ORC2: variants seen among roughly 807,000 people sequenced by gnomAD.
ORC2 encodes the protein origin recognition complex protein 2 homolog.
In ORC2, 37 loss-of-function variants were observed where a neutral mutation model predicts 77.7. The ratio of observed to expected loss-of-function variants is 0.48; its 90% CI spans 0.37 to 0.63. ORC2 has a LOEUF of 0.63. Among genes scored for constraint, ORC2 ranks in the 20% least tolerant of loss-of-function variants. The probability of loss-of-function intolerance (pLI) is 0.00; values close to 1 mark genes in which losing one functional copy is unlikely to be tolerated. For missense variants in ORC2, 557 were observed against 661.9 expected (o/e 0.84, Z 1.74); for synonymous variants, 201 against 229.5 (o/e 0.88, Z 1.12).
rs998638917 is a variant in ORC2 at position 200,942,590 on chromosome 2, T to A, written c.421+95A>T. 6 of 557,026 alleles carry A rather than the reference T, an allele frequency of 1.1e-5. No homozygotes were observed. In the Admixed American group the frequency reaches 2.2e-4, roughly 21 times the overall value. 34.5% of individuals were successfully genotyped at this position (557,026 alleles called of 1,614,324 possible). A position where few individuals can be genotyped will look rare whatever the true frequency, so the allele number is the denominator to read the frequency against. On this transcript the variant is annotated intron_variant, in intron 6 of 17. Coordinates refer to ENST00000234296, the MANE Select transcript of ORC2 (RefSeq NM_006190.5). ...AATGAATTTTCAGAAAAGAAGAAAA[T>A]ATATATAAAAATTCACAAACAAGGA...
At chr2:200,958,981 T>C (rs2041521637) in intron 2 of ORC2, among the ~76,000 whole-genome samples, 1 of 152,208 alleles carries the variant, frequency 6.6e-6, no homozygotes, top group African/African-American at 2.4e-5. Context: ...GTTTTCACCT[T>C]TTCTTTTGGC....
At chr2:200,915,747 G>A (rs2040637488) in intron 15 of ORC2, among the ~76,000 whole-genome samples, 1 of 151,832 alleles carries the variant, frequency 6.6e-6, no homozygotes, top group African/African-American at 2.4e-5. Context: ...AGGTTGGAGT[G>A]CAGTGGTGCG....
At chr2:200,961,050 C>T (rs980314117) in intron 1 of ORC2, among the ~76,000 whole-genome samples, 5 of 152,174 alleles carry the variant, frequency 3.3e-5, no homozygotes, top group Admixed American at 6.5e-5. Context: ...GTTGGGATTA[C>T]AGGTGTAAGC....
chr2:200,953,612 G>A (rs2041407241), intron 4 of ORC2, among the ~76,000 whole-genome samples: 1 of 152,134 alleles, frequency 6.6e-6, no homozygotes, highest in South Asian at 2.1e-4. Context: ...ATTGAATGCA[G>A]GGTCACAAAG....
Position 200,933,863 on chromosome 2 carries a change from C to A in ORC2, c.807+13G>T, listed in dbSNP as rs767769122. 10 of 1,525,082 alleles carry A rather than the reference C, an allele frequency of 6.6e-6. No individual in the cohort carries two copies. The highest frequency in any genetic ancestry group is 3.8e-5 in the Admixed American group (2 of 52,218). 94.5% of individuals were successfully genotyped at this position (1,525,082 alleles called of 1,614,324 possible). On this transcript the variant is annotated intron_variant, in intron 10 of 17. Transcript: ENST00000234296. Reference sequence around the variant, plus strand: ...GTAAAAAAAATTTAGAAGTAACATTCCTTGTAACATACCTGATCCAGTTTA... The same window carrying A: ...GTAAAAAAAATTTAGAAGTAACATTACTTGTAACATACCTGATCCAGTTTA...
intron 6 of ORC2, 135 bp downstream of exon 6, chr2:200,942,550 A>C (rs1050992502): frequency 2.0e-5 from 10 of 507,312 alleles, no homozygotes; most frequent in Admixed American, 3.7e-5. Flanking sequence ...TTGAAATATT[A>C]ATTGCATTTT....
intron 11 of ORC2, among the ~76,000 whole-genome samples, chr2:200,929,414 A>G (rs757562401): frequency 6.6e-6 from 1 of 152,224 alleles, no homozygotes; most frequent in Non-Finnish European, 1.5e-5. Context: ...GAAAAATGTT[A>G]AAATGTCAAG....
chr2:200,935,401 G>C (rs1007383379), intron 9 of ORC2, among the ~76,000 whole-genome samples: 6 of 152,220 alleles, frequency 3.9e-5, no homozygotes, highest in African/African-American at 7.2e-5. Context: ...GGGATTACAG[G>C]CATGAGCCAC....
chr2:200,963,337 A>C, intron 1 of ORC2, 153 bp downstream of exon 1: 1 of 397,550 alleles, frequency 2.5e-6, no homozygotes, highest in Non-Finnish European at 4.4e-6. Flanking sequence ...CGCAAAGACC[A>C]TGCCCCAAGT....
chr2:200,929,639 A>T (rs1272749227), intron 11 of ORC2, among the ~76,000 whole-genome samples: 2 of 151,876 alleles, frequency 1.3e-5, no homozygotes, highest in African/African-American at 4.8e-5. Flanking sequence ...AATAAAAAAT[A>T]AAAAAAATTA....
intron 5 of ORC2, 110 bp downstream of exon 5, chr2:200,949,444 C>T: frequency 1.5e-6 from 1 of 648,396 alleles, no homozygotes; most frequent in Non-Finnish European, 2.8e-6. Context: ...CATAGGGAAT[C>T]TCTCTTCATT....
At chr2:200,918,858 C>T (rs753911459) in intron 15 of ORC2, among the ~76,000 whole-genome samples, 15 of 151,302 alleles carry the variant, frequency 9.9e-5, no homozygotes, top group Non-Finnish European at 1.8e-4. Context: ...TACATTTTGA[C>T]TAATTTATAG....
At chr2:200,956,504 T>A (rs915826875) in intron 4 of ORC2, among the ~76,000 whole-genome samples, 2 of 151,970 alleles carry the variant, frequency 1.3e-5, no homozygotes, top group Non-Finnish European at 2.9e-5. Context: ...AAAAACTTTT[T>A]TTTTTTGTAG....
At position 200,962,646 on chromosome 2, in the gene ORC2, T is replaced by G. The variant is rs964035635; in HGVS notation, c.-60+844A>C. 2.0e-5 allele frequency among the ~76,000 whole-genome samples: 3 copies of G among 152,214 alleles called. No individual in the cohort carries two copies. In the East Asian group the frequency reaches 5.8e-4, roughly 29 times the overall value. On this transcript the variant is annotated intron_variant, in intron 1 of 17. Coordinates refer to ENST00000234296, the MANE Select transcript of ORC2 (RefSeq NM_006190.5). ...CTTACTGCAGTGCACTGAGATATTT[T>G]TACTTTAAACTTCAACTTAACCATG...
chr2:200,926,963 TCAAC>T (rs2040847322), intron 11 of ORC2, 63 bp from the exon 12 acceptor site: 2 of 1,485,172 alleles, frequency 1.3e-6, no homozygotes, highest in South Asian at 2.3e-5. Context: ...AATTTTATTA[TCAAC>T]CAGTTTCCTT....
intron 17 of ORC2, among the ~76,000 whole-genome samples, chr2:200,912,759 T>C (rs2040573700): frequency 1.3e-5 from 2 of 152,206 alleles, no homozygotes; most frequent in African/African-American, 4.8e-5. Flanking sequence ...TGGTCTCTTC[T>C]GATATCTATC....
chr2:200,958,867 T>C (rs1176736868), intron 2 of ORC2, among the ~76,000 whole-genome samples: 1 of 152,208 alleles, frequency 6.6e-6, no homozygotes, highest in Non-Finnish European at 1.5e-5. Context: ...AAATAACTAA[T>C]GATGATTTTA....
chr2:200,925,871 T>C lies in ORC2; in HGVS notation c.1112A>G (p.Asp371Gly). 1 of 1,599,336 alleles carries C rather than the reference T, an allele frequency of 6.3e-7. No homozygotes were observed. Among genetic ancestry groups the C allele is most frequent in the Non-Finnish European group, 8.6e-7 (1 of 1,168,446 alleles). The change falls in exon 13 of 18, where the codon GAT becomes GGT. Residue 371 changes from aspartate to glycine, a missense_variant. Physicochemically the swap from Asp to Gly is moderately conservative, Grantham distance 94. Transcript: ENST00000234296. ...DHMGTFRSIL[D>G]QLDWIVNKFK... is the part of the protein sequence containing the mutation. The stretch of plus-strand genomic sequence containing the variant: ...TTTGTTTACTATCCAGTCTAGCTGA[T>C]CCAGTATACTGCGGAAAGTACCCAT...
At chr2:200,956,773 A>AAAATAAATAAAT (rs557684169) in intron 4 of ORC2, among the ~76,000 whole-genome samples, 1 of 152,086 alleles carries the variant, frequency 6.6e-6, no homozygotes, top group Non-Finnish European at 1.5e-5. Flanking sequence ...CCCTGTCTCT[A>AAAATAAATAAAT]AAATAAATAA....
Sources: allele counts gnomAD v4.1 joint callset (sites outside exome capture counted in the v4.1 genomes callset), GRCh38; gene constraint gnomAD v4.1.1; transcripts MANE v1.5; gene names NCBI Gene and HGNC (gene_info 2026-07-23, HGNC 2026-07-21).